The following ZNF577 variants were observed in gnomAD, a reference collection of about 807,000 sequenced individuals.
The protein encoded by ZNF577 is zinc finger protein 577.
ZNF577 carries 14 observed loss-of-function variants against 13.9 expected under a neutral mutation model. The ratio of observed to expected loss-of-function variants is 1.00; its 90% CI spans 0.66 to 1.57. ZNF577 has a LOEUF of 1.57. ZNF577 is among the 40% of genes most tolerant of loss of function. The pLI is 0.00. For synonymous variants in ZNF577, 203 were observed against 202.9 expected (o/e 1.00, Z 0.00); for missense variants, 555 against 579.2 (o/e 0.96, Z 0.43).
intron 5 of ZNF577, among the ~76,000 whole-genome samples, chr19:51,846,707 CA>C (rs1293084713): frequency 2.7e-5 from 4 of 146,162 alleles, no homozygotes; most frequent in Non-Finnish European, 3.0e-5. Flanking sequence ...GACTCCATCT[CA>C]AAAAAAAAAC....
chr19:51,816,937 TTATTG>T (rs1480542466), intron 9 of ZNF577, among the ~76,000 whole-genome samples: 1 of 152,194 alleles, frequency 6.6e-6, no homozygotes, highest in Non-Finnish European at 1.5e-5. Context: ...TCTTTGTTGT[TTATTG>T]TTTTCCTCTC....
chr19:51,872,757 G>A lies in ZNF577; in HGVS notation c.1233C>T (p.Asn411=). 1 of 1,614,196 alleles carries A rather than the reference G, an allele frequency of 6.2e-7. No homozygotes were observed. ...AGGAAGGCATTTCTATAGGTACTGT[G>A]TTCACAGTCTTTTGCTCTTGTATGA... ...SELIQEQKTV[N]TVPIEMPSSG... The change falls in exon 6 of 6, where the codon AAC becomes AAT. Residue 411 remains asparagine, a synonymous_variant. Coordinates refer to ENST00000638348, the MANE Select transcript of ZNF577 (RefSeq NM_001370449.1).
chr19:51,873,166 C>A lies in ZNF577; in HGVS notation c.824G>T (p.Cys275Phe), dbSNP rs1290105419. 6.2e-7 allele frequency: 1 copy of A among 1,614,040 alleles called. No individual in the cohort carries two copies. The highest frequency in any genetic ancestry group is 1.1e-5 in the South Asian group (1 of 91,090). The change falls in exon 6 of 6, where the codon TGT becomes TTT. Residue 275 changes from cysteine to phenylalanine, a missense_variant. Transcript: ENST00000638348. ...TGEKLYGCSVCGKAFSQKAYL... is the reference protein window; with the variant it reads ...TGEKLYGCSVFGKAFSQKAYL... The stretch of plus-strand genomic sequence containing the variant: ...TGCCTTCTGAGAAAAGGCTTTCCCA[C>A]ACACACTGCACCCATAGAGTTTCTC...
chr19:51,806,120 T>C (rs2084056997), intron 10 of ZNF577, among the ~76,000 whole-genome samples: 1 of 152,170 alleles, frequency 6.6e-6, no homozygotes. Context: ...TCTTTACAAA[T>C]GTAACATTAA....
chr19:51,855,115 TTGTG>T (rs1207213545), intron 5 of ZNF577, among the ~76,000 whole-genome samples: 1 of 152,202 alleles, frequency 6.6e-6, no homozygotes, highest in East Asian at 1.9e-4. Context: ...ACTTTTCTGA[TTGTG>T]TGTCACAAAT....
In ZNF577 at chr19:51,880,307, G is replaced by A; in HGVS notation, c.60+16C>T. ...GAAAGAAGTTTCTCAAGCTCTCACA[G>A]CAATGACAAATTTACCTCCCCTGAA... is the stretch of plus-strand genomic sequence containing the variant. On this transcript the variant is annotated intron_variant, in intron 3 of 5. Coordinates refer to ENST00000638348, the MANE Select transcript of ZNF577 (RefSeq NM_001370449.1). 6 of 1,612,916 alleles carry A rather than the reference G, an allele frequency of 3.7e-6. No individual in the cohort carries two copies. The highest frequency in any genetic ancestry group is 5.1e-6 in the Non-Finnish European group (6 of 1,179,146).
chr19:51,849,623 G>A (rs8110040), intron 5 of ZNF577, among the ~76,000 whole-genome samples: 12,819 of 152,184 alleles, frequency 0.084, 570 homozygotes, highest in South Asian at 0.13. Context: ...CAAGCATTTT[G>A]TTATAGCAGT....
At chr19:51,836,558 C>T (rs922044064) in intron 9 of ZNF577, among the ~76,000 whole-genome samples, 2 of 152,064 alleles carry the variant, frequency 1.3e-5, no homozygotes, top group Non-Finnish European at 2.9e-5. Context: ...AATGGAATTA[C>T]CAGTTCTGTT....
intron 4 of ZNF577, 105 bp from the exon 5 acceptor site, chr19:51,877,482 C>A (rs1465308730): frequency 2.2e-6 from 2 of 900,180 alleles, no homozygotes; most frequent in African/African-American, 1.7e-5. Flanking sequence ...TTTGATAAAG[C>A]AAAACTCTTT....
downstream of ZNF577, among the ~76,000 whole-genome samples, chr19:51,865,211 C>T (rs979194666): frequency 6.6e-6 from 1 of 152,152 alleles, no homozygotes; most frequent in Admixed American, 6.5e-5. Context: ...ATTCTCCAAC[C>T]GCACCTCTGG....
In ZNF577 at chr19:51,850,484, C is replaced by A. The variant is rs561758784; in HGVS notation, c.284-5553G>T. ...CCTGCATGATTTCTCTGAAAGAAGACAACTGGGAGCTCTGTGCTTGGTGTC... is the reference window on the plus strand; with the variant it reads ...CCTGCATGATTTCTCTGAAAGAAGAAAACTGGGAGCTCTGTGCTTGGTGTC... On this transcript the variant is annotated intron_variant and NMD_transcript_variant, in intron 5 of 10. Transcript: ENST00000638827. Among the ~76,000 whole-genome samples, 31 of 152,340 alleles carry A rather than the reference C, an allele frequency of 2.0e-4. No individual in the cohort carries two copies. The East Asian group carries it at 5.2e-3, about 26-fold the overall frequency.
chr19:51,877,378 C>G lies in ZNF577; in HGVS notation c.188-1G>C. 6.2e-7 allele frequency: 1 copy of G among 1,613,500 alleles called. No homozygotes were observed. Among genetic ancestry groups the G allele is most frequent in the Non-Finnish European group, 8.5e-7 (1 of 1,179,524 alleles). On this transcript the variant is annotated splice_acceptor_variant, in intron 4 of 5. Coordinates refer to ENST00000638348, the MANE Select transcript of ZNF577 (RefSeq NM_001370449.1). LOFTEE classifies it high-confidence loss of function. ...GAATCTGGCTTGGTGCCTCGATACCCTGTAAATGGGAGATCACTGAACACT... is the reference window on the plus strand; with the variant it reads ...GAATCTGGCTTGGTGCCTCGATACCGTGTAAATGGGAGATCACTGAACACT...
At chr19:51,829,577 T>A (rs528008744) in intron 9 of ZNF577, among the ~76,000 whole-genome samples, 3 of 152,114 alleles carry the variant, frequency 2.0e-5, no homozygotes, top group Non-Finnish European at 4.4e-5. Context: ...ATCTTACAAC[T>A]TTTCCCACCA....
chr19:51,809,327 C>A (rs975570921), intron 10 of ZNF577, among the ~76,000 whole-genome samples: 2 of 152,188 alleles, frequency 1.3e-5, no homozygotes, highest in African/African-American at 4.8e-5. Context: ...AAGTTAATTG[C>A]AAGGGCCAGG....
At chr19:51,833,442 A>G (rs199515207) in intron 9 of ZNF577, among the ~76,000 whole-genome samples, 1 of 50,844 alleles carries the variant, frequency 2.0e-5, no homozygotes, top group Non-Finnish European at 4.0e-5. Flanking sequence ...AGTTATGTTG[A>G]TTGTGTTTTA....
At chr19:51,804,889 A>G (rs528740011) in exon 11 of ZNF577, 2 of 152,368 alleles carry the variant, frequency 1.3e-5, no homozygotes, top group South Asian at 4.1e-4. Flanking sequence ...CTCTGTATTT[A>G]TTAGAGAAAA....
intron 5 of ZNF577, among the ~76,000 whole-genome samples, chr19:51,874,329 C>T (rs924726777): frequency 2.0e-5 from 3 of 151,972 alleles, no homozygotes; most frequent in South Asian, 2.1e-4. Flanking sequence ...TATGCAAAGA[C>T]GTAAGAAAAT....
Position 51,824,325 on chromosome 19 carries a change from G to A in ZNF577, c.*600-12651C>T, listed in dbSNP as rs763572824. ...TGACACTGCTGTAGAGAGGTTGAAC[G>A]TGTTCATTACCATGGCCAAGGTCTT... On this transcript the variant is annotated intron_variant and NMD_transcript_variant, in intron 9 of 10. Transcript: ENST00000638827. This position sits in a 1 kb window ranked among gnomAD's most constrained non-coding sequence, Gnocchi z 4.7. 4.5e-5 allele frequency: 72 copies of A among 1,614,086 alleles called. No homozygotes were observed. Among genetic ancestry groups the A allele is most frequent in the Non-Finnish European group, 5.6e-5 (66 of 1,179,968 alleles).
intron 9 of ZNF577, among the ~76,000 whole-genome samples, chr19:51,816,014 C>T (rs940627037): frequency 2.6e-5 from 4 of 151,606 alleles, no homozygotes; most frequent in African/African-American, 9.7e-5. Flanking sequence ...CTGCAGTGAG[C>T]TGTGACTGCA....
Sources: gnomAD v4.1 joint callset for allele counts (sites outside exome capture counted in the v4.1 genomes callset) on GRCh38, gnomAD v4.1.1 for gene constraint, Gnocchi (gnomAD v3.1) non-coding constraint, MANE v1.5 for transcripts, NCBI Gene and HGNC (gene_info 2026-07-23, HGNC 2026-07-21) for gene names.